Variants in UCK1 observed in about 807,000 individuals in gnomAD.
UCK1 encodes the protein uridine-cytidine kinase 1.
UCK1 carries 20 observed loss-of-function variants against 34.0 expected under a neutral mutation model. The ratio of observed to expected loss-of-function variants is 0.59; its 90% CI spans 0.41 to 0.86. The LOEUF (loss-of-function observed/expected upper bound fraction) is 0.86, where lower values mean the gene tolerates loss of function less well. Among genes scored for constraint, UCK1 ranks in the 40% least tolerant of loss-of-function variants. The pLI, the probability that UCK1 is intolerant of heterozygous loss-of-function variation, is 0.00. For missense variants in UCK1, 343 were observed against 383.6 expected (o/e 0.89, Z 0.88); for synonymous variants, 168 against 155.9 (o/e 1.08, Z -0.58).
chr9:131,531,150 A>AGTCTTCGCCTCCCGCC lies in UCK1; in HGVS notation c.9_24dup (p.Cys9GlyfsTer38). The stretch of plus-strand genomic sequence containing the variant: ...TCGGCCTCCGGCGCGGGGCTCTCGC[A>AGTCTTCGCCTCCCGCC]GTCTTCGCCTCCCGCCGAAGCCATC... On this transcript the variant is annotated frameshift_variant, in exon 1 of 7. Coordinates refer to ENST00000372215, the MANE Select transcript of UCK1 (RefSeq NM_031432.5). LOFTEE classifies it high-confidence loss of function. 7.0e-7 allele frequency: 1 copy of AGTCTTCGCCTCCCGCC among 1,435,880 alleles called. No individual in the cohort carries two copies. 88.9% of individuals were successfully genotyped at this position (1,435,880 alleles called of 1,614,324 possible).
intron 2 of UCK1, 113 bp downstream of exon 2, chr9:131,530,373 G>C: frequency 7.6e-7 from 1 of 1,316,124 alleles, no homozygotes; most frequent in East Asian, 2.3e-5. Context: ...TGGCGAGTTG[G>C]GGGAACAGCC....
chr9:131,526,490 T>C (rs1055361090), intron 5 of UCK1: 44 of 1,289,276 alleles, frequency 3.4e-5, no homozygotes, highest in Non-Finnish European at 3.9e-5. Flanking sequence ...TCTCATTCCC[T>C]GTCAGATGCT....
intron 5 of UCK1, among the ~76,000 whole-genome samples, chr9:131,527,387 TAGCAGGTGAC>T (rs1359719872): frequency 6.6e-6 from 1 of 152,110 alleles, no homozygotes; most frequent in Non-Finnish European, 1.5e-5. Flanking sequence ...GCCCAGAACA[TAGCAGGTGAC>T]AGCACTTCCT....
chr9:131,527,749 C>T (rs907517978), intron 5 of UCK1, among the ~76,000 whole-genome samples: 2 of 152,038 alleles, frequency 1.3e-5, no homozygotes, highest in East Asian at 1.9e-4. Context: ...TGGTGGTGCA[C>T]GCCTGTGGGC....
chr9:131,530,738 TG>T lies in UCK1; in HGVS notation c.109-94del, dbSNP rs558363228. The T allele has an allele frequency of 9.7e-5, 156 of 1,610,296 alleles. No homozygotes were observed. In the African/African-American group the frequency reaches 1.2e-3, roughly 13 times the overall value. On this transcript the variant is annotated intron_variant, in intron 1 of 6. Transcript: ENST00000372215. ...TGGAGACACTGACCCACCCGCCCCC[TG>T]GGGGGTATGCTCGGAAGGCGGGAGG...
chr9:131,527,718 A>T (rs1428417312), intron 5 of UCK1, among the ~76,000 whole-genome samples: 1 of 151,934 alleles, frequency 6.6e-6, no homozygotes, highest in Admixed American at 6.6e-5. Flanking sequence ...CTCTACAAAA[A>T]ATTTAAAAAT....
rs147318514 is a variant in UCK1 at position 131,530,640 on chromosome 9, G to A, written c.114C>T (p.Thr38=). 5.9e-5 allele frequency: 95 copies of A among 1,614,206 alleles called. No homozygotes were observed. In the African/African-American group the frequency reaches 1.1e-3, roughly 18 times the overall value. ...VSGGTASGKS[T]VCEKIMELLG... is the part of the protein sequence containing the mutation. ...GCAACTCCATGATCTTCTCACACAC[G>A]GTCGACTGGAGACACAGAAGCGGGA... is the stretch of plus-strand genomic sequence containing the variant. Residue 38 remains threonine, a synonymous_variant, in exon 2 of 7, where the codon ACC becomes ACT. Coordinates refer to ENST00000372215, the MANE Select transcript of UCK1 (RefSeq NM_031432.5).
rs775873514 is a variant in UCK1, at chr9:131,524,920, G to A, written c.*120C>T. On this transcript the variant is annotated 3_prime_UTR_variant, in exon 7 of 7. Coordinates refer to ENST00000372215, the MANE Select transcript of UCK1 (RefSeq NM_031432.5). ...TCCACTCCTGAGTGAGGAAGGCCTCGCTGCTAACACTCCCCTGGGGTGCGC... is the reference window on the plus strand; with the variant it reads ...TCCACTCCTGAGTGAGGAAGGCCTCACTGCTAACACTCCCCTGGGGTGCGC... The A allele has an allele frequency of 6.5e-6, 8 of 1,235,848 alleles. No individual in the cohort carries two copies. Among genetic ancestry groups the A allele is most frequent in the Admixed American group, 2.7e-5 (1 of 37,592 alleles). 76.6% of individuals were successfully genotyped at this position (1,235,848 alleles called of 1,614,324 possible).
chr9:131,530,704 G>A (rs1168031084), intron 1 of UCK1, 59 bp from the exon 2 acceptor site: 1 of 1,613,854 alleles, frequency 6.2e-7, no homozygotes, highest in Admixed American at 1.7e-5. Context: ...CAGGCACGGG[G>A]CCGGCTTCTG....
At chr9:131,525,646 T>C (rs1950572828) in intron 6 of UCK1, among the ~76,000 whole-genome samples, 1 of 152,028 alleles carries the variant, frequency 6.6e-6, no homozygotes, top group South Asian at 2.1e-4. Flanking sequence ...GCCCAAATAA[T>C]TTTATTTTTT....
chr9:131,529,313 G>T, intron 3 of UCK1, 43 bp from the exon 4 acceptor site: 7 of 1,612,184 alleles, frequency 4.3e-6, no homozygotes, highest in Non-Finnish European at 5.9e-6. Context: ...CAGACACAGG[G>T]TCTCCAGGCC....
At chr9:131,526,044 G>A in intron 5 of UCK1, 67 bp from the exon 6 acceptor site, 1 of 1,593,396 alleles carries the variant, frequency 6.3e-7, no homozygotes, top group Non-Finnish European at 8.6e-7. Flanking sequence ...AAGATGCTCA[G>A]AAACAGATGC....
chr9:131,530,505 C>T lies in UCK1; in HGVS notation c.249G>A (p.Gln83=), dbSNP rs138446238. The part of the protein sequence containing the change: ...AEQKAKALKG[Q]YNFDHPDAFD... ...ATTTACCTGGATGGTCAAAATTGTA[C>T]TGTCCTTTCAAGGCCTTGGCCTTCT... The change falls in exon 2 of 7, where the codon CAG becomes CAA. Residue 83 remains glutamine (Q), a synonymous_variant. Transcript: ENST00000372215. 3.6e-3 allele frequency: 5,890 copies of T among 1,614,272 alleles called. 25 individuals carry two copies. Among genetic ancestry groups the T allele is most frequent in the South Asian group, 6.8e-3 (622 of 91,090 alleles).
chr9:131,526,584 TG>T (rs751858450), intron 5 of UCK1: 26 of 1,216,038 alleles, frequency 2.1e-5, no homozygotes, highest in Non-Finnish European at 2.8e-5. Context: ...TGGTGGGGGT[TG>T]GGGGGTGGCT....
intron 5 of UCK1, 116 bp downstream of exon 5, chr9:131,528,828 T>G (rs950186961): frequency 6.9e-6 from 9 of 1,312,430 alleles, no homozygotes; most frequent in Non-Finnish European, 8.4e-6. Context: ...AGCCAAATTC[T>G]TCTCCTTTTT....
At chr9:131,528,736 G>A (rs184974146) in intron 5 of UCK1, 18 of 627,872 alleles carry the variant, frequency 2.9e-5, no homozygotes, top group African/African-American at 2.4e-4. Context: ...GGAGATATGG[G>A]GCTTTTTTAG....
Position 131,524,413 on chromosome 9 carries a change from G to C in UCK1, c.*627C>G, listed in dbSNP as rs944462995. The C allele has an allele frequency of 6.6e-6, 1 of 152,298 alleles. No individual in the cohort carries two copies. Among genetic ancestry groups the C allele is most frequent in the Admixed American group, 6.5e-5 (1 of 15,284 alleles). 9.4% of individuals were successfully genotyped at this position (152,298 alleles called of 1,614,324 possible). ...ATCCGCCTCGCTTCTCTGCCTTTAA[G>C]GCACAAGCAAGGGGGGAAAACATCC... On this transcript the variant is annotated 3_prime_UTR_variant, in exon 7 of 7. Coordinates refer to ENST00000372215, the MANE Select transcript of UCK1 (RefSeq NM_031432.5).
At chr9:131,527,971 C>T (rs532192226) in intron 5 of UCK1, among the ~76,000 whole-genome samples, 16 of 152,074 alleles carry the variant, frequency 1.1e-4, no homozygotes, top group Non-Finnish European at 1.8e-4. Flanking sequence ...TCCAGGAGTT[C>T]GAGACCAGCC....
chr9:131,530,711 T>C (rs1387687975), intron 1 of UCK1, 66 bp from the exon 2 acceptor site: 1 of 1,613,802 alleles, frequency 6.2e-7, no homozygotes, highest in Non-Finnish European at 8.5e-7. Context: ...GGGGCCGGCT[T>C]CTGGAGACAC....
Sources: gnomAD v4.1 joint callset for allele counts (sites outside exome capture counted in the v4.1 genomes callset) on GRCh38, gnomAD v4.1.1 for gene constraint, MANE v1.5 for transcripts, NCBI Gene and HGNC (gene_info 2026-07-23, HGNC 2026-07-21) for gene names.